The following DNAJC10 variants were observed in gnomAD, a reference collection of about 807,000 sequenced individuals.
The protein encoded by DNAJC10 is endoplasmic reticulum disulfide reductase DNAJC10.
Under a neutral mutation model 115.0 loss-of-function variants are expected in DNAJC10, and 101 were observed. The observed-to-expected ratio is 0.88, with a 90% CI of 0.75 to 1.04. The LOEUF (loss-of-function observed/expected upper bound fraction) is 1.04. Ranked by LOEUF, DNAJC10 falls within the 50% of genes least tolerant of loss-of-function variation. DNAJC10 has a pLI of 0.00. For synonymous variants in DNAJC10, 307 were observed against 301.5 expected (o/e 1.02, Z -0.19); for missense variants, 981 against 928.8 (o/e 1.06, Z -0.73).
chr2:182,766,369 G>A (rs909031607), intron 22 of DNAJC10, among the ~76,000 whole-genome samples: 1 of 152,164 alleles, frequency 6.6e-6, no homozygotes, highest in Non-Finnish European at 1.5e-5. Flanking sequence ...TGATGGGACC[G>A]AGGAGCTCTT....
At chr2:182,753,218 T>C (rs1418818231) in intron 16 of DNAJC10, among the ~76,000 whole-genome samples, 1 of 152,186 alleles carries the variant, frequency 6.6e-6, no homozygotes, top group Admixed American at 6.5e-5. Flanking sequence ...TCAGTGATTA[T>C]TGTAGCTATA....
chr2:182,757,412 A>G (rs1694183164), intron 18 of DNAJC10, among the ~76,000 whole-genome samples: 1 of 152,208 alleles, frequency 6.6e-6, no homozygotes, highest in Admixed American at 6.5e-5. Context: ...AGTTTCTAGC[A>G]CTTTGAATTT....
chr2:182,764,011 CT>C (rs1694350819), intron 22 of DNAJC10, among the ~76,000 whole-genome samples: 1 of 152,118 alleles, frequency 6.6e-6, no homozygotes, highest in African/African-American at 2.4e-5. Context: ...TGTGACTATT[CT>C]TCAAGTTGTT....
chr2:182,759,169 T>C lies in DNAJC10; in HGVS notation c.2007T>C (p.Pro669=), dbSNP rs758240025. Residue 669 remains proline (P), a synonymous_variant, in exon 21 of 24, where the codon CCT becomes CCC. Coordinates refer to ENST00000264065, the MANE Select transcript of DNAJC10 (RefSeq NM_018981.4). The stretch of plus-strand genomic sequence containing the variant: ...TGATCATTTGCCACAGATTTTTACC[T>C]CAAGTATCCACAGATCTAACACCTC... ...SLRIWGLGFL[P]QVSTDLTPQT... 3.2e-6 allele frequency: 5 copies of C among 1,576,378 alleles called. No individual in the cohort carries two copies. The African/African-American group carries it at 6.9e-5, about 22-fold the overall frequency.
intron 22 of DNAJC10, among the ~76,000 whole-genome samples, chr2:182,767,204 C>A (rs572197048): frequency 3.3e-5 from 5 of 152,042 alleles, no homozygotes; most frequent in Admixed American, 1.3e-4. Flanking sequence ...CAGAGCGTAC[C>A]GGTGCCCAGG....
chr2:182,751,977 G>C, intron 15 of DNAJC10, 95 bp from the exon 16 acceptor site: 1 of 1,232,232 alleles, frequency 8.1e-7, no homozygotes, highest in Non-Finnish European at 1.2e-6. Flanking sequence ...GCTAAGTACA[G>C]TTTGTCTTAC....
chr2:182,745,371 C>T (rs760782239), intron 14 of DNAJC10, among the ~76,000 whole-genome samples: 9 of 152,194 alleles, frequency 5.9e-5, no homozygotes, highest in African/African-American at 1.2e-4. Context: ...TGCCTTCACA[C>T]GATTTTTCCT....
rs1417792036 is a variant in DNAJC10, at chr2:182,785,213, A to C, written c.*8081A>C. On this transcript the variant is annotated 3_prime_UTR_variant, in exon 24 of 24. Coordinates refer to ENST00000264065, the MANE Select transcript of DNAJC10 (RefSeq NM_018981.4). ...ATGTATTGGAGCTCAGCAGATTCCCATTCATGAAGAATGGTGCCTGTGTAA... is the reference window on the plus strand; with the variant it reads ...ATGTATTGGAGCTCAGCAGATTCCCCTTCATGAAGAATGGTGCCTGTGTAA... The C allele has an allele frequency of 6.6e-6, 1 of 152,206 alleles. No homozygotes were observed. Among genetic ancestry groups the C allele is most frequent in the Non-Finnish European group, 1.5e-5 (1 of 68,034 alleles). The allele number at this position is 152,206 out of a possible 1,614,324, so 9.4% of individuals were successfully genotyped here.
chr2:182,743,778 T>A lies in DNAJC10; in HGVS notation c.1306+66T>A, dbSNP rs534897020. The A allele has an allele frequency of 1.5e-5, 18 of 1,175,940 alleles. No individual in the cohort carries two copies. The East Asian group carries it at 4.0e-4, about 26-fold the overall frequency. 72.8% of individuals were successfully genotyped at this position (1,175,940 alleles called of 1,614,324 possible). On this transcript the variant is annotated intron_variant, in intron 14 of 23. Coordinates refer to ENST00000264065, the MANE Select transcript of DNAJC10 (RefSeq NM_018981.4). ...TTTTCAAATAGAAGTTTTCTAATTG[T>A]GCTTTTTAAACTTATTTTTTACGGA...
At chr2:182,752,221 A>G in intron 16 of DNAJC10, 33 bp downstream of exon 16, 1 of 1,177,686 alleles carries the variant, frequency 8.5e-7, no homozygotes, top group Non-Finnish European at 1.2e-6. Context: ...ATTCTAATTA[A>G]TTTTATAAAA....
In DNAJC10 at chr2:182,732,463, A is replaced by T. The variant is rs760275082; in HGVS notation, c.806-36A>T. 26 of 1,609,292 alleles carry T rather than the reference A, an allele frequency of 1.6e-5. 1 individual carries two copies. The highest frequency in any genetic ancestry group is 2.0e-5 in the Non-Finnish European group (23 of 1,175,912). On this transcript the variant is annotated intron_variant, in intron 9 of 23. Transcript: ENST00000264065. ...CAAGTATTTTCATCAGGCTTAATAA[A>T]GGTAAAACTGCCTCATAAGGTTTTT...
chr2:182,724,532 A>G (rs1693232233), intron 5 of DNAJC10, among the ~76,000 whole-genome samples: 1 of 152,216 alleles, frequency 6.6e-6, no homozygotes, highest in East Asian at 1.9e-4. Context: ...TATTCTAAAT[A>G]CGTGCAACTA....
rs1357063588 is a variant in DNAJC10, at chr2:182,740,328, A to G, written c.1017A>G (p.Ile339Met). The G allele has an allele frequency of 7.2e-6, 11 of 1,533,764 alleles. No homozygotes were observed. Among genetic ancestry groups the G allele is most frequent in the Non-Finnish European group, 9.7e-6 (11 of 1,133,886 alleles). The change falls in exon 12 of 24, where the codon ATA (isoleucine) becomes ATG (methionine). Residue 339 changes from isoleucine (I) to methionine (M), a missense_variant. Coordinates refer to ENST00000264065, the MANE Select transcript of DNAJC10 (RefSeq NM_018981.4). The stretch of plus-strand genomic sequence containing the variant: ...TCAACTCATTGGATGCTAAAGAAAT[A>G]TATTTGGAAGTAATACATAATCTTC... ...LFLNSLDAKE[I>M]YLEVIHNLPD...
Position 182,789,463 on chromosome 2 carries a change from C to T in DNAJC10, c.*12331C>T, listed in dbSNP as rs188637670. The T allele has an allele frequency of 7.3e-3, 1,107 of 152,476 alleles. 5 individuals carry two copies. The highest frequency in any genetic ancestry group is 0.032 in the South Asian group (154 of 4,826). 9.4% of individuals were successfully genotyped at this position (152,476 alleles called of 1,614,324 possible). ...CTCGAACTCTTGACCTCAGGTGATC[C>T]GCCTGCCTTGGTCTCCCAAAGTGCT... is the stretch of plus-strand genomic sequence containing the variant. On this transcript the variant is annotated 3_prime_UTR_variant, in exon 24 of 24. Coordinates refer to ENST00000264065, the MANE Select transcript of DNAJC10 (RefSeq NM_018981.4).
chr2:182,722,801 C>T (rs1256774853), intron 5 of DNAJC10, among the ~76,000 whole-genome samples: 1 of 151,818 alleles, frequency 6.6e-6, no homozygotes, highest in Non-Finnish European at 1.5e-5. Context: ...TTAGGTGTGC[C>T]TGGTGGCACG....
chr2:182,748,257 G>T (rs1205744472), intron 14 of DNAJC10, among the ~76,000 whole-genome samples: 1 of 151,752 alleles, frequency 6.6e-6, no homozygotes, highest in Admixed American at 6.6e-5. Context: ...AATGAGTTAG[G>T]GAGGATTCCC....
At position 182,731,062 on chromosome 2, in the gene DNAJC10, G is replaced by T. The variant is rs1160409061; in HGVS notation, c.760G>T (p.Ala254Ser). 6.2e-7 allele frequency: 1 copy of T among 1,612,814 alleles called. No homozygotes were observed. Among genetic ancestry groups the T allele is most frequent in the Non-Finnish European group, 8.5e-7 (1 of 1,179,452 alleles). ...NFVNSIQTAF[A>S]AGIGWLITFC... Reference sequence around the variant, plus strand: ...TGTCAACTCCATACAAACTGCTTTTGCTGCTGGTATTGGCTGGCTGATCAC... The same window carrying T: ...TGTCAACTCCATACAAACTGCTTTTTCTGCTGGTATTGGCTGGCTGATCAC... The change falls in exon 9 of 24, where the codon GCT becomes TCT. Residue 254 changes from alanine to serine, a missense_variant. Transcript: ENST00000264065.
rs1201682547 is a variant in DNAJC10 at position 182,786,159 on chromosome 2, C to CT, written c.*9028dup. The CT allele has an allele frequency of 6.6e-6, 1 of 151,996 alleles. No individual in the cohort carries two copies. Among genetic ancestry groups the CT allele is most frequent in the African/African-American group, 2.4e-5 (1 of 41,354 alleles). 9.4% of individuals were successfully genotyped at this position (151,996 alleles called of 1,614,324 possible). A position where few individuals can be genotyped will look rare whatever the true frequency, so the allele number is the denominator to read the frequency against. ...GAAACGCAAAATATTGTTTTTACAA[C>CT]TAAGATAACATTGAAATTTATACAG... On this transcript the variant is annotated 3_prime_UTR_variant, in exon 24 of 24. Transcript: ENST00000264065.
chr2:182,754,564 A>ATT (rs1466061930), intron 16 of DNAJC10: 1 of 158,592 alleles, frequency 6.3e-6, no homozygotes, highest in African/African-American at 2.4e-5. Context: ...GTACCCCCTA[A>ATT]TTATTTGTGT....
Sources: allele counts gnomAD v4.1 joint callset (sites outside exome capture counted in the v4.1 genomes callset), GRCh38; gene constraint gnomAD v4.1.1; transcripts MANE v1.5; gene names NCBI Gene and HGNC (gene_info 2026-07-23, HGNC 2026-07-21).